Variants in CSMD1 observed in about 807,000 individuals in gnomAD.
The protein encoded by CSMD1 is CUB and sushi domain-containing protein 1.
CSMD1 carries 213 observed loss-of-function variants against 417.5 expected under a neutral mutation model. The ratio of observed to expected loss-of-function variants is 0.51; its 90% confidence interval spans 0.46 to 0.57. The LOEUF is 0.57. CSMD1 is among the 20% of genes least tolerant of loss of function. The pLI, the probability that CSMD1 is intolerant of heterozygous loss-of-function variation, is 0.00. For synonymous variants in CSMD1, 2,862 were observed against 1,736.8 expected (o/e 1.65, Z -16.11); for missense variants, 6,923 against 4,529.7 (o/e 1.53, Z -15.17).
intron 3 of CSMD1, among the ~76,000 whole-genome samples, chr8:4,415,554 G>C (rs1462518684): frequency 2.6e-5 from 4 of 152,118 alleles, no homozygotes; most frequent in African/African-American, 9.7e-5. Context: ...AATGACTATT[G>C]AGTCACACCA....
intron 6 of CSMD1, among the ~76,000 whole-genome samples, chr8:3,743,141 G>T (rs114111648): frequency 6.6e-6 from 1 of 152,152 alleles, no homozygotes; most frequent in African/African-American, 2.4e-5. Context: ...TGTCATGAAG[G>T]TCTTCAGGCT....
intron 1 of CSMD1, among the ~76,000 whole-genome samples, chr8:4,946,092 C>A (rs1237593083): frequency 6.6e-6 from 1 of 152,134 alleles, no homozygotes; most frequent in Non-Finnish European, 1.5e-5. Context: ...CACTTGCACA[C>A]CCAGCTGTCT....
chr8:4,649,056 A>T (rs976462506), intron 1 of CSMD1, among the ~76,000 whole-genome samples: 1 of 152,206 alleles, frequency 6.6e-6, no homozygotes, highest in Non-Finnish European at 1.5e-5. Flanking sequence ...TGTAGGCTTC[A>T]GTTGGTATAT....
At chr8:4,467,676 G>C (rs1800265822) in intron 2 of CSMD1, among the ~76,000 whole-genome samples, 1 of 152,030 alleles carries the variant, frequency 6.6e-6, no homozygotes, top group East Asian at 1.9e-4. Context: ...ACCAAATCAA[G>C]GTGCAAATAG....
intron 3 of CSMD1, among the ~76,000 whole-genome samples, chr8:4,062,574 A>C (rs1364754028): frequency 6.6e-6 from 1 of 152,112 alleles, no homozygotes; most frequent in African/African-American, 2.4e-5. Context: ...ATATCCTATA[A>C]AAGTTTTCAG....
intron 5 of CSMD1, among the ~76,000 whole-genome samples, chr8:3,783,388 G>C (rs1007353989): frequency 6.6e-6 from 1 of 152,172 alleles, no homozygotes; most frequent in Non-Finnish European, 1.5e-5. Context: ...CATGCCCCTG[G>C]GGTGACCCAC....
chr8:3,571,713 C>A (rs1371582195), intron 10 of CSMD1, among the ~76,000 whole-genome samples: 2 of 151,950 alleles, frequency 1.3e-5, no homozygotes, highest in African/African-American at 4.8e-5. Flanking sequence ...TCTTGTGTTC[C>A]TCCGTCCCTG....
chr8:3,914,467 T>C (rs1347161983), intron 5 of CSMD1, among the ~76,000 whole-genome samples: 1 of 152,204 alleles, frequency 6.6e-6, no homozygotes, highest in Non-Finnish European at 1.5e-5. Context: ...TATTATTATA[T>C]CATGTTTTGA....
intron 41 of CSMD1, chr8:3,129,025 A>T (rs984616628): frequency 1.2e-5 from 4 of 339,352 alleles, no homozygotes; most frequent in Admixed American, 4.2e-5. Flanking sequence ...TTAGCCAACC[A>T]GATGCTTGAC....
chr8:4,614,293 C>T (rs879797979), intron 2 of CSMD1, among the ~76,000 whole-genome samples: 2 of 152,150 alleles, frequency 1.3e-5, no homozygotes, highest in Non-Finnish European at 2.9e-5. Flanking sequence ...ACGGACTGGA[C>T]ACAAAGGCCA....
chr8:3,311,258 C>CT lies in CSMD1; in HGVS notation c.3632-2756dup, dbSNP rs745954610. Reference sequence around the variant, plus strand: ...CCTCCCCACTACTAATAACAAACAACTTTTTTTTTTGGAAATGCAGTCTGT... The same window carrying CT: ...CCTCCCCACTACTAATAACAAACAACTTTTTTTTTTTGGAAATGCAGTCTGT... On this transcript the variant is annotated intron_variant, in intron 23 of 69. Transcript: ENST00000635120. Among the ~76,000 whole-genome samples the CT allele has an allele frequency of 8.8e-3, 1,313 of 149,500 alleles. 7 individuals are homozygous for CT. The highest frequency in any genetic ancestry group is 0.011 in the Non-Finnish European group (759 of 67,462).
chr8:3,623,834 G>C (rs752044966), intron 7 of CSMD1, among the ~76,000 whole-genome samples: 1 of 152,006 alleles, frequency 6.6e-6, no homozygotes, highest in Non-Finnish European at 1.5e-5. Context: ...AAAATTAGCT[G>C]GGCGTGCTGG....
intron 1 of CSMD1, among the ~76,000 whole-genome samples, chr8:4,804,394 A>G (rs771277016): frequency 2.6e-5 from 4 of 152,178 alleles, no homozygotes; most frequent in African/African-American, 9.7e-5. Context: ...TTAAGACGCC[A>G]AATTACAAAG....
chr8:3,280,572 A>T (rs1251943788), intron 26 of CSMD1, among the ~76,000 whole-genome samples: 2 of 152,200 alleles, frequency 1.3e-5, no homozygotes, highest in Admixed American at 1.3e-4. Context: ...CAGAATTTGG[A>T]TTTATTAACT....
At position 4,189,899 on chromosome 8, in the gene CSMD1, T is replaced by C. The variant is rs909650698; in HGVS notation, c.416-157800A>G. ...ATAGCCTTGAATCATTTCTAAGCCA[T>C]TGAAAATCTGTACTCTTTTGCATAT... On this transcript the variant is annotated intron_variant, in intron 3 of 69. Coordinates refer to ENST00000635120, the MANE Select transcript of CSMD1 (RefSeq NM_033225.6). Among the ~76,000 whole-genome samples, 5 of 152,048 alleles carry C rather than the reference T, an allele frequency of 3.3e-5. 1 individual carries two copies. Among genetic ancestry groups the C allele is most frequent in the South Asian group, 4.2e-4 (2 of 4,816 alleles).
At chr8:3,300,977 AAAAAG>A (rs1294907086) in intron 25 of CSMD1, among the ~76,000 whole-genome samples, 1 of 150,048 alleles carries the variant, frequency 6.7e-6, no homozygotes, top group Non-Finnish European at 1.5e-5. Context: ...AAAAAAAAAA[AAAAAG>A]AGAAAGAAAA....
chr8:3,520,174 G>A (rs1015228066), intron 10 of CSMD1, among the ~76,000 whole-genome samples: 1 of 151,844 alleles, frequency 6.6e-6, no homozygotes, highest in Non-Finnish European at 1.5e-5. Flanking sequence ...CCGAGAAGAA[G>A]AGAATTTCAC....
intron 3 of CSMD1, among the ~76,000 whole-genome samples, chr8:4,147,472 ATGATTGCCTT>A (rs548731054): frequency 6.6e-6 from 1 of 152,086 alleles, no homozygotes; most frequent in Admixed American, 6.5e-5. Context: ...AATACCCTAC[ATGATTGCCTT>A]TGTGCTCCCA....
At chr8:3,837,864 C>A (rs1802810516) in intron 5 of CSMD1, among the ~76,000 whole-genome samples, 1 of 152,118 alleles carries the variant, frequency 6.6e-6, no homozygotes, top group Non-Finnish European at 1.5e-5. Context: ...TTCATTCCAA[C>A]CTCACAGGAC....
Sources: gnomAD v4.1 joint callset for allele counts (sites outside exome capture counted in the v4.1 genomes callset) on GRCh38, gnomAD v4.1.1 for gene constraint, MANE v1.5 for transcripts, NCBI Gene and HGNC (gene_info 2026-07-23, HGNC 2026-07-21) for gene names.